PTPRN2: variants seen among roughly 807,000 people sequenced by gnomAD.
PTPRN2 encodes receptor-type tyrosine-protein phosphatase N2.
A neutral mutation model predicts 118.8 loss-of-function variants in PTPRN2; 74 were observed. The ratio of observed to expected loss-of-function variants is 0.62; its 90% CI spans 0.52 to 0.76. PTPRN2 has a LOEUF of 0.76. PTPRN2 is among the 30% of genes least tolerant of loss of function. PTPRN2 has a pLI of 0.00. For missense variants in PTPRN2, 1,481 were observed against 1,394.4 expected (o/e 1.06, Z -0.99); for synonymous variants, 641 against 608.0 (o/e 1.05, Z -0.80).
chr7:158,183,160 C>G (rs1824858825), intron 5 of PTPRN2, among the ~76,000 whole-genome samples: 1 of 152,180 alleles, frequency 6.6e-6, no homozygotes, highest in African/African-American at 2.4e-5. Flanking sequence ...TACCCCTTTA[C>G]CTTAACTTTA....
rs564286890 is a variant in PTPRN2 at position 158,392,321 on chromosome 7, T to C, written c.164-75389A>G. 2.0e-5 allele frequency among the ~76,000 whole-genome samples: 3 copies of C among 152,324 alleles called. No individual in the cohort carries two copies. The South Asian group carries it at 6.2e-4, about 32-fold the overall frequency. On this transcript the variant is annotated intron_variant, in intron 2 of 22. Transcript: ENST00000389418. ...AGGCAAGCCTCCTGGGCACTGTGGA[T>C]GTTCCACAAGATGGGTCCACTCATG...
At chr7:158,201,108 G>C (rs1288993226) in intron 4 of PTPRN2, among the ~76,000 whole-genome samples, 4 of 149,916 alleles carry the variant, frequency 2.7e-5, no homozygotes, top group Non-Finnish European at 5.9e-5. Flanking sequence ...CTAGAGTGCT[G>C]TGTGTGATCA....
intron 2 of PTPRN2, among the ~76,000 whole-genome samples, chr7:158,392,464 C>T (rs532342324): frequency 6.6e-6 from 1 of 152,320 alleles, no homozygotes; most frequent in East Asian, 1.9e-4. Flanking sequence ...GGGGAACCAT[C>T]CTGGCATGGA....
chr7:158,071,449 T>C (rs111162921), intron 11 of PTPRN2, among the ~76,000 whole-genome samples: 44 of 61,778 alleles, frequency 7.1e-4, no homozygotes, highest in Non-Finnish European at 1.1e-3. Flanking sequence ...GTGGAGGTGC[T>C]CGTGGTTGAG....
chr7:157,993,804 T>C (rs1262214080), intron 11 of PTPRN2, among the ~76,000 whole-genome samples: 2 of 152,124 alleles, frequency 1.3e-5, no homozygotes, highest in Non-Finnish European at 2.9e-5. Flanking sequence ...TGAAGGCCTC[T>C]CTGGAGAGCG....
chr7:157,809,939 T>C (rs916264904), intron 12 of PTPRN2, among the ~76,000 whole-genome samples: 2 of 152,140 alleles, frequency 1.3e-5, no homozygotes, highest in African/African-American at 4.8e-5. Context: ...GGAACAGGAC[T>C]GTAATGGGTC....
intron 1 of PTPRN2, among the ~76,000 whole-genome samples, chr7:158,575,136 A>C (rs1169840276): frequency 1.3e-5 from 2 of 152,232 alleles, no homozygotes; most frequent in African/African-American, 4.8e-5. Context: ...TTTCAAAATG[A>C]GGCTTTGATT....
At chr7:158,558,585 A>C (rs1827193451) in intron 1 of PTPRN2, among the ~76,000 whole-genome samples, 1 of 152,066 alleles carries the variant, frequency 6.6e-6, no homozygotes, top group African/African-American at 2.4e-5. Flanking sequence ...ACCTAGAGGC[A>C]GGTGTGTCCT....
intron 2 of PTPRN2, among the ~76,000 whole-genome samples, chr7:158,412,526 C>A (rs1814220510): frequency 8.7e-6 from 1 of 114,990 alleles, no homozygotes; most frequent in Non-Finnish European, 1.8e-5. Flanking sequence ...CAGCACCCTC[C>A]TCAGCACCAG....
At chr7:158,484,466 G>A (rs1820860846) in intron 2 of PTPRN2, among the ~76,000 whole-genome samples, 3 of 152,172 alleles carry the variant, frequency 2.0e-5, no homozygotes, top group Non-Finnish European at 2.9e-5. Context: ...AGGTTCAAGC[G>A]ATTCTCCTGC....
chr7:157,574,006 TAGAG>T (rs1458442168), intron 19 of PTPRN2, among the ~76,000 whole-genome samples: 4 of 152,038 alleles, frequency 2.6e-5, no homozygotes, highest in African/African-American at 4.8e-5. Flanking sequence ...GCATCACAAA[TAGAG>T]AGGAAAACCA....
At chr7:158,541,673 T>C (rs1825991839) in intron 1 of PTPRN2, 1 of 1,326,092 alleles carries the variant, frequency 7.5e-7, no homozygotes. Flanking sequence ...GAACGTTAGT[T>C]AATCTGTTGA....
chr7:157,574,319 C>T (rs180704631), intron 19 of PTPRN2: 134 of 502,910 alleles, frequency 2.7e-4, no homozygotes, highest in Admixed American at 4.3e-4. Context: ...CTTTCCACAT[C>T]GCCCCTGCAG....
chr7:158,310,492 G>A (rs570128666), intron 3 of PTPRN2, among the ~76,000 whole-genome samples: 3 of 152,236 alleles, frequency 2.0e-5, no homozygotes, highest in South Asian at 2.1e-4. Context: ...TCCTGTGGAA[G>A]GTAGAGCTTG....
intron 12 of PTPRN2, among the ~76,000 whole-genome samples, chr7:157,767,208 G>A (rs1255494817): frequency 3.9e-5 from 6 of 152,136 alleles, no homozygotes; most frequent in African/African-American, 1.4e-4. Flanking sequence ...GCTGTGCTGG[G>A]CACACAGCAC....
intron 11 of PTPRN2, among the ~76,000 whole-genome samples, chr7:157,948,101 A>G (rs996082012): frequency 6.6e-6 from 1 of 152,264 alleles, no homozygotes; most frequent in African/African-American, 2.4e-5. Context: ...AATTCTAAAC[A>G]GTAACCAGAA....
intron 12 of PTPRN2, among the ~76,000 whole-genome samples, chr7:157,806,826 G>A (rs77504807): frequency 0.014 from 2,096 of 152,260 alleles, 25 homozygotes; most frequent in Middle Eastern, 0.02. Flanking sequence ...CATGAACAAA[G>A]TGAGTACTTG....
chr7:158,125,138 A>AC (rs1281606065), intron 9 of PTPRN2, among the ~76,000 whole-genome samples: 1 of 151,480 alleles, frequency 6.6e-6, no homozygotes, highest in Admixed American at 6.6e-5. Context: ...AACCATGGCC[A>AC]CCCCCCTGCC....
intron 6 of PTPRN2, among the ~76,000 whole-genome samples, chr7:158,150,585 T>C (rs1412111099): frequency 6.6e-6 from 1 of 151,986 alleles, no homozygotes; most frequent in African/African-American, 2.4e-5. Flanking sequence ...TCAAGGAGCA[T>C]CTATATGGAA....
Sources: allele counts gnomAD v4.1 joint callset (sites outside exome capture counted in the v4.1 genomes callset), GRCh38; gene constraint gnomAD v4.1.1; transcripts MANE v1.5; gene names NCBI Gene and HGNC (gene_info 2026-07-23, HGNC 2026-07-21).